The following CCSER1 variants were observed in gnomAD, a reference collection of about 807,000 sequenced individuals.
CCSER1 encodes coiled-coil serine rich protein 1.
In CCSER1, 41 loss-of-function variants were observed where a neutral mutation model predicts 82.0. The ratio of observed to expected loss-of-function variants is 0.50; its 90% confidence interval spans 0.39 to 0.65. The LOEUF is 0.65. Among genes scored for constraint, CCSER1 ranks in the 30% least tolerant of loss-of-function variants. The probability of loss-of-function intolerance (pLI) is 0.00; values close to 1 mark genes in which losing one functional copy is unlikely to be tolerated. For missense variants in CCSER1, 1,119 were observed against 1,064.2 expected, an observed-to-expected ratio of 1.05 and a Z score of -0.72; for synonymous variants, 414 against 383.9, an observed-to-expected ratio of 1.08 and a Z score of -0.92.
At chr4:91,382,137 C>T (rs1381097456) in intron 10 of CCSER1, among the ~76,000 whole-genome samples, 2 of 152,182 alleles carry the variant, frequency 1.3e-5, no homozygotes, top group Non-Finnish European at 2.9e-5. Context: ...AGAGGTGTAC[C>T]CAGCTGTGTT....
At chr4:91,296,216 G>A (rs1744150066) in intron 10 of CCSER1, among the ~76,000 whole-genome samples, 1 of 151,412 alleles carries the variant, frequency 6.6e-6, no homozygotes, top group Non-Finnish European at 1.5e-5. Flanking sequence ...TGTGGCTTAA[G>A]TTTCTGGCAG....
intron 8 of CCSER1, among the ~76,000 whole-genome samples, chr4:90,914,677 A>G (rs1369002542): frequency 6.6e-6 from 1 of 150,460 alleles, no homozygotes; most frequent in Admixed American, 6.7e-5. Context: ...GACACAAAAA[A>G]CCCTTCAAAA....
chr4:91,168,479 G>T (rs542471886), intron 10 of CCSER1, among the ~76,000 whole-genome samples: 25 of 140,410 alleles, frequency 1.8e-4, no homozygotes, highest in Non-Finnish European at 3.4e-4. Context: ...CCCAGCAGCC[G>T]CCCCGTCTGG....
intron 1 of CCSER1, among the ~76,000 whole-genome samples, chr4:90,153,001 C>G (rs1192191353): frequency 2.0e-5 from 3 of 150,378 alleles, no homozygotes; most frequent in African/African-American, 7.3e-5. Context: ...CGTCATTTAG[C>G]ATTAGGTATA....
chr4:90,559,251 A>G (rs1778453587), intron 5 of CCSER1, among the ~76,000 whole-genome samples: 1 of 152,104 alleles, frequency 6.6e-6, no homozygotes, highest in South Asian at 2.1e-4. Flanking sequence ...TACTTTTTTT[A>G]TAGGTTCTAA....
intron 7 of CCSER1, among the ~76,000 whole-genome samples, chr4:90,735,182 C>A (rs1041685738): frequency 6.6e-6 from 1 of 152,060 alleles, no homozygotes; most frequent in African/African-American, 2.4e-5. Flanking sequence ...TCTACCTGGT[C>A]ATGACGAATG....
intron 9 of CCSER1, among the ~76,000 whole-genome samples, chr4:90,968,251 G>T (rs114513034): frequency 6.6e-6 from 1 of 151,668 alleles, no homozygotes; most frequent in Non-Finnish European, 1.5e-5. Flanking sequence ...ATAGTATGTC[G>T]AAAGAACTTT....
chr4:90,840,392 A>G (rs1186530109), intron 8 of CCSER1, among the ~76,000 whole-genome samples: 1 of 152,208 alleles, frequency 6.6e-6, no homozygotes, highest in African/African-American at 2.4e-5. Flanking sequence ...ATTAATTGGT[A>G]GCAGTACTAT....
chr4:91,307,962 G>T (rs1745190548), intron 10 of CCSER1, among the ~76,000 whole-genome samples: 1 of 77,084 alleles, frequency 1.3e-5, no homozygotes, highest in South Asian at 4.1e-4. Flanking sequence ...TGATCTGAGA[G>T]CTACGAAATG....
rs532661417 is a variant in CCSER1 at position 90,959,230 on chromosome 4, C to T, written c.2172+35783C>T. On this transcript the variant is annotated intron_variant, in intron 9 of 10. Transcript: ENST00000509176. ...CAGTGCATCCTGCTGTAGCACAGTGCTCCACTGGAAGAACATGCAGTATTC... is the reference window on the plus strand; with the variant it reads ...CAGTGCATCCTGCTGTAGCACAGTGTTCCACTGGAAGAACATGCAGTATTC... Among the ~76,000 whole-genome samples the T allele has an allele frequency of 9.2e-5, 14 of 152,276 alleles. No individual in the cohort carries two copies. In the South Asian group the frequency reaches 2.3e-3, roughly 25 times the overall value.
chr4:90,957,098 CTTTTTTTTTTTTTTT>C (rs1215668480), intron 9 of CCSER1, among the ~76,000 whole-genome samples: 2 of 86,680 alleles, frequency 2.3e-5, no homozygotes, highest in African/African-American at 8.1e-5. Context: ...TCTTTCTTTC[CTTTTTTTTTTTTTTT>C]TTTTTTTGAG....
intron 10 of CCSER1, among the ~76,000 whole-genome samples, chr4:91,320,103 TC>T (rs1746096058): frequency 6.6e-6 from 1 of 152,042 alleles, no homozygotes; most frequent in Non-Finnish European, 1.5e-5. Flanking sequence ...TGTCTCTGTA[TC>T]ACAGTGCTTG....
chr4:90,954,672 A>G (rs570485474), intron 9 of CCSER1, among the ~76,000 whole-genome samples: 2 of 152,198 alleles, frequency 1.3e-5, no homozygotes, highest in Non-Finnish European at 2.9e-5. Context: ...GATGCATAGG[A>G]AGTATCAATC....
chr4:91,375,311 A>G (rs1212350382), intron 10 of CCSER1, among the ~76,000 whole-genome samples: 1 of 152,212 alleles, frequency 6.6e-6, no homozygotes, highest in Non-Finnish European at 1.5e-5. Context: ...CCATCTTGTG[A>G]TGGCACGAAA....
intron 10 of CCSER1, among the ~76,000 whole-genome samples, chr4:91,424,770 T>C (rs1753878720): frequency 6.6e-6 from 1 of 152,164 alleles, no homozygotes; most frequent in Non-Finnish European, 1.5e-5. Context: ...ATATGCCTTA[T>C]TTTTACAGAA....
At chr4:91,003,054 C>A (rs984996298) in intron 9 of CCSER1, among the ~76,000 whole-genome samples, 1 of 152,148 alleles carries the variant, frequency 6.6e-6, no homozygotes, top group Non-Finnish European at 1.5e-5. Flanking sequence ...TACCAGGCTC[C>A]AGGCTGGTAC....
At chr4:91,208,702 G>C (rs1736549544) in intron 10 of CCSER1, among the ~76,000 whole-genome samples, 1 of 151,826 alleles carries the variant, frequency 6.6e-6, no homozygotes, top group African/African-American at 2.4e-5. Context: ...AGCTATTCAG[G>C]CTCTTTTTTG....
chr4:90,265,302 G>C (rs1725043742), intron 1 of CCSER1, among the ~76,000 whole-genome samples: 1 of 151,448 alleles, frequency 6.6e-6, no homozygotes, highest in Admixed American at 6.6e-5. Flanking sequence ...TTCATATTTA[G>C]AATAAAATAT....
chr4:91,371,920 A>G (rs1459697970), intron 10 of CCSER1, among the ~76,000 whole-genome samples: 1 of 152,228 alleles, frequency 6.6e-6, no homozygotes, highest in Non-Finnish European at 1.5e-5. Flanking sequence ...AGGGGGCATA[A>G]TAAGATCAGA....
Sources: gnomAD v4.1 joint callset for allele counts (sites outside exome capture counted in the v4.1 genomes callset) on GRCh38, gnomAD v4.1.1 for gene constraint, MANE v1.5 for transcripts, NCBI Gene and HGNC (gene_info 2026-07-23, HGNC 2026-07-21) for gene names.